CHRNA6: variants seen among roughly 807,000 people sequenced by gnomAD.
CHRNA6 encodes cholinergic receptor nicotinic alpha 6 subunit.
In CHRNA6, 31 loss-of-function variants were observed where a neutral mutation model predicts 40.9. The ratio of observed to expected loss-of-function variants is 0.76; its 90% CI spans 0.57 to 1.02. The LOEUF (loss-of-function observed/expected upper bound fraction) is 1.02. CHRNA6 is among the 50% of genes least tolerant of loss of function. The pLI, the probability that CHRNA6 is intolerant of heterozygous loss-of-function variation, is 0.00. For missense variants in CHRNA6, 546 were observed against 596.6 expected (o/e 0.92, Z 0.88); for synonymous variants, 222 against 221.3 (o/e 1.00, Z -0.03).
At chr8:42,759,459 G>A (rs556277671) in intron 2 of CHRNA6, 1 of 237,596 alleles carries the variant, frequency 4.2e-6, no homozygotes, top group South Asian at 6.3e-5. Context: ...TAGGAGGGAG[G>A]GAGATGCTGC....
intron 3 of CHRNA6, among the ~76,000 whole-genome samples, chr8:42,757,884 A>C (rs914494464): frequency 3.3e-5 from 5 of 150,966 alleles, no homozygotes; most frequent in African/African-American, 1.2e-4. Flanking sequence ...ATACAAAAAA[A>C]ATTAGCCGGG....
At chr8:42,762,185 C>A (rs1816913674) in intron 2 of CHRNA6, among the ~76,000 whole-genome samples, 1 of 152,206 alleles carries the variant, frequency 6.6e-6, no homozygotes, top group Non-Finnish European at 1.5e-5. Flanking sequence ...CTCTCGGCCA[C>A]CCCAAGTTCA....
At chr8:42,766,573 A>G (rs1816979235) in intron 1 of CHRNA6, among the ~76,000 whole-genome samples, 1 of 152,166 alleles carries the variant, frequency 6.6e-6, no homozygotes, top group African/African-American at 2.4e-5. Flanking sequence ...AATGAACAAG[A>G]TCGTGCCCTT....
At chr8:42,763,716 C>G (rs1026500890) in intron 2 of CHRNA6, among the ~76,000 whole-genome samples, 19 of 152,292 alleles carry the variant, frequency 1.2e-4, no homozygotes, top group African/African-American at 4.6e-4. Flanking sequence ...TAAATACTCA[C>G]TAAAGGATGG....
chr8:42,764,957 G>T lies in CHRNA6; in HGVS notation c.219+108C>A, dbSNP rs532931797. Reference sequence around the variant, plus strand: ...CCTCCCAAATGGATGGCTTTGAAGGGCCAGATCTCGTGTAGATTTGCATCT... The same window carrying T: ...CCTCCCAAATGGATGGCTTTGAAGGTCCAGATCTCGTGTAGATTTGCATCT... On this transcript the variant is annotated intron_variant, in intron 2 of 5. Coordinates refer to ENST00000276410, the MANE Select transcript of CHRNA6 (RefSeq NM_004198.3). The T allele has an allele frequency of 3.8e-5, 47 of 1,244,750 alleles. No homozygotes were observed. In the East Asian group the frequency reaches 7.2e-4, roughly 19 times the overall value. 77.1% of individuals were successfully genotyped at this position (1,244,750 alleles called of 1,614,324 possible).
rs1025428841 is a variant in CHRNA6 at position 42,768,474 on chromosome 8, T to C, written c.-44A>G. 1.3e-6 allele frequency: 2 copies of C among 1,530,078 alleles called. No homozygotes were observed. Among genetic ancestry groups the C allele is most frequent in the Admixed American group, 1.7e-5 (1 of 59,326 alleles). The allele number at this position is 1,530,078 out of a possible 1,614,324, so 94.8% of individuals were successfully genotyped here. On this transcript the variant is annotated 5_prime_UTR_variant, in exon 1 of 6. Coordinates refer to ENST00000276410, the MANE Select transcript of CHRNA6 (RefSeq NM_004198.3). ...TTCCTTTTTCCTAGGCAAAGGATTG[T>C]GGAAAACAAAGAGCTATCAGTCAGC...
At chr8:42,764,702 T>C (rs1175123244) in intron 2 of CHRNA6, among the ~76,000 whole-genome samples, 1 of 152,154 alleles carries the variant, frequency 6.6e-6, no homozygotes, top group East Asian at 1.9e-4. Flanking sequence ...CATTTTGTAG[T>C]TGTATGACCC....
chr8:42,756,581 C>T lies in CHRNA6; in HGVS notation c.618G>A (p.Trp206Ter), dbSNP rs1816804695. The change falls in exon 5 of 6, where the codon TGG becomes TGA. Residue 206 changes from tryptophan (W) to a stop codon, truncating the protein, a stop_gained. Coordinates refer to ENST00000276410, the MANE Select transcript of CHRNA6 (RefSeq NM_004198.3). LOFTEE classifies it high-confidence loss of function. ...DMNDFWENSE[W>*]EIIDASGYKH... ...TGTAGCCAGAGGCATCAATGATTTCCCATTCACTGTTTTCCCAAAAATCAT... is the reference window on the plus strand; with the variant it reads ...TGTAGCCAGAGGCATCAATGATTTCTCATTCACTGTTTTCCCAAAAATCAT... 6.2e-7 allele frequency: 1 copy of T among 1,614,058 alleles called. No homozygotes were observed. The highest frequency in any genetic ancestry group is 8.5e-7 in the Non-Finnish European group (1 of 1,179,994).
rs556036982 is a variant in CHRNA6, at chr8:42,753,307, C to T, written c.1357G>A (p.Glu453Lys). The T allele has an allele frequency of 5.0e-6, 8 of 1,600,350 alleles. No homozygotes were observed. In the African/African-American group the frequency reaches 1.1e-4, roughly 22 times the overall value. ...ATGGCCACGTATTTCCAGTCATCTT[C>T]TACCTGAAATGCAAACAAAAATTAA... is the stretch of plus-strand genomic sequence containing the variant. ...MKSHNETKEVEDDWKYVAMVV... is the reference protein window; with the variant it reads ...MKSHNETKEVKDDWKYVAMVV... Residue 453 changes from glutamate to lysine, a missense_variant, in exon 6 of 6, where the codon GAA (glutamate) becomes AAA (lysine). By Grantham distance (56) the Glu-to-Lys change is moderately conservative (BLOSUM62 1). Transcript: ENST00000276410.
At chr8:42,763,849 T>C (rs1462118891) in intron 2 of CHRNA6, among the ~76,000 whole-genome samples, 2 of 151,978 alleles carry the variant, frequency 1.3e-5, no homozygotes, top group Non-Finnish European at 2.9e-5. Context: ...CTGAGAAGCA[T>C]GGACTGGAGA....
chr8:42,764,257 T>A (rs1346894190), intron 2 of CHRNA6, among the ~76,000 whole-genome samples: 1 of 152,084 alleles, frequency 6.6e-6, no homozygotes, highest in Non-Finnish European at 1.5e-5. Flanking sequence ...GAAATTAAGA[T>A]CCTCAAATTC....
At chr8:42,759,169 C>T in intron 2 of CHRNA6, 56 bp from the exon 3 acceptor site, 1 of 1,377,126 alleles carries the variant, frequency 7.3e-7, no homozygotes, top group Admixed American at 1.7e-5. Context: ...AGAGGTGAGA[C>T]TTAGAGCAAA....
At chr8:42,761,984 G>A (rs1025440591) in intron 2 of CHRNA6, among the ~76,000 whole-genome samples, 59 of 152,186 alleles carry the variant, frequency 3.9e-4, no homozygotes, top group African/African-American at 1.2e-3. Context: ...GGATCCCTCC[G>A]AGGGGCACTT....
intron 1 of CHRNA6, among the ~76,000 whole-genome samples, chr8:42,765,809 A>G (rs1156488018): frequency 6.6e-6 from 1 of 152,230 alleles, no homozygotes; most frequent in Non-Finnish European, 1.5e-5. Context: ...CCAAGAAACA[A>G]GAAAAAAAGC....
chr8:42,758,025 A>C (rs1215199861), intron 3 of CHRNA6, among the ~76,000 whole-genome samples: 1 of 151,786 alleles, frequency 6.6e-6, no homozygotes, highest in Non-Finnish European at 1.5e-5. Flanking sequence ...ACAGAGCGAG[A>C]CTCCGTCTCA....
chr8:42,759,197 A>G, intron 2 of CHRNA6, 84 bp from the exon 3 acceptor site: 1 of 991,364 alleles, frequency 1.0e-6, no homozygotes, highest in East Asian at 2.4e-5. Flanking sequence ...ACTAAAAAGA[A>G]CCAAATCTGA....
chr8:42,760,381 C>A (rs545706964), intron 2 of CHRNA6, among the ~76,000 whole-genome samples: 2 of 152,014 alleles, frequency 1.3e-5, no homozygotes, highest in African/African-American at 4.8e-5. Context: ...CTCATATACC[C>A]ACTCATGAAT....
intron 2 of CHRNA6, 158 bp from the exon 3 acceptor site, chr8:42,759,271 A>T (rs2038877728): frequency 1.6e-6 from 1 of 617,038 alleles, no homozygotes; most frequent in Admixed American, 2.7e-5. Flanking sequence ...ATGCAAGCAG[A>T]AATGCCGCAT....
At chr8:42,768,289 G>GA in intron 1 of CHRNA6, 63 bp downstream of exon 1, 1 of 1,340,864 alleles carries the variant, frequency 7.5e-7, no homozygotes, top group South Asian at 1.2e-5. Flanking sequence ...AGCACAACTA[G>GA]AAAAGAGAGT....
Sources: gnomAD v4.1 joint callset for allele counts (sites outside exome capture counted in the v4.1 genomes callset) on GRCh38, gnomAD v4.1.1 for gene constraint, MANE v1.5 for transcripts, NCBI Gene and HGNC (gene_info 2026-07-23, HGNC 2026-07-21) for gene names.